Variants in IFNGR1 observed in about 807,000 individuals in gnomAD.
IFNGR1 encodes the protein AVP, type 2.
In IFNGR1, 23 loss-of-function variants were observed where a neutral mutation model predicts 35.4. That is an observed-to-expected ratio of 0.65 (90% confidence interval 0.47 to 0.92). IFNGR1 has a LOEUF of 0.92. IFNGR1 is among the 40% of genes least tolerant of loss of function. The pLI is 0.00. For synonymous variants in IFNGR1, 199 were observed against 209.5 expected, an observed-to-expected ratio of 0.95 and a Z score of 0.43; for missense variants, 533 against 583.4, an observed-to-expected ratio of 0.91 and a Z score of 0.89.
chr6:137,219,080 TCTCGCGACCCCAC>T, intron 1 of IFNGR1, 150 bp downstream of exon 1: 1 of 830,658 alleles, frequency 1.2e-6, no homozygotes, highest in Non-Finnish European at 1.9e-6. Context: ...GGAGCCCCAG[TCTCGCGACCCCAC>T]CTCGCGTCCC....
rs772644831 is a variant in IFNGR1, at chr6:137,206,251, A to G, written c.258T>C (p.Asn86=). 1.3e-5 allele frequency: 21 copies of G among 1,611,152 alleles called. No individual in the cohort carries two copies. Among genetic ancestry groups the G allele is most frequent in the East Asian group, 6.7e-5 (3 of 44,864 alleles). ...ATGGATCACCAACATGATCAGAAAT[A>G]TTACAATAATGATGAGAAATATTGA... ...ACINISHHYC[N]ISDHVGDPSN... Residue 86 remains asparagine, a synonymous_variant, in exon 3 of 7, where the codon AAT becomes AAC. Transcript: ENST00000367739.
At chr6:137,201,504 C>T (rs940423190) in intron 5 of IFNGR1, among the ~76,000 whole-genome samples, 3 of 152,060 alleles carry the variant, frequency 2.0e-5, no homozygotes, top group Non-Finnish European at 2.9e-5. Context: ...GAAACCCCAT[C>T]TCTACTAAAA....
chr6:137,215,272 T>C, intron 1 of IFNGR1: 1 of 1,548,218 alleles, frequency 6.5e-7, no homozygotes, highest in Non-Finnish European at 8.7e-7. Flanking sequence ...ATTACCTCCA[T>C]ATTTAAATTG....
At chr6:137,210,754 A>G (rs1457784128) in intron 1 of IFNGR1, among the ~76,000 whole-genome samples, 2 of 152,226 alleles carry the variant, frequency 1.3e-5, no homozygotes, top group Admixed American at 1.3e-4. Context: ...TAAATACTTC[A>G]GATTTCCTGA....
At chr6:137,203,711 A>T in intron 4 of IFNGR1, 26 bp from the exon 5 acceptor site, 1 of 1,594,928 alleles carries the variant, frequency 6.3e-7, no homozygotes, top group Non-Finnish European at 8.6e-7. Flanking sequence ...AAACAGTGAA[A>T]ATGCACAGCT....
At chr6:137,205,089 T>C (rs146140284) in intron 3 of IFNGR1, among the ~76,000 whole-genome samples, 27 of 152,320 alleles carry the variant, frequency 1.8e-4, no homozygotes, top group Middle Eastern at 3.4e-3. Flanking sequence ...GGGCCCAGTA[T>C]ACTTTCCGGC....
In IFNGR1 at chr6:137,219,383, A is replaced by G. The variant is rs2234711; in HGVS notation, c.-56T>C. On this transcript the variant is annotated 5_prime_UTR_variant, in exon 1 of 7. Coordinates refer to ENST00000367739, the MANE Select transcript of IFNGR1 (RefSeq NM_000416.3). ...CGAGCGCCTGCGGGACCAGCCCAGC[A>G]CTGCCCTCCAGCCCCGGCCTTACGT... 0.41 allele frequency: 640,114 copies of G among 1,561,786 alleles called. 134,898 individuals are homozygous for G. The highest frequency in any genetic ancestry group is 0.61 in the South Asian group (51,486 of 84,920).
chr6:137,209,803 T>A (rs1779532928), intron 1 of IFNGR1: 1 of 398,652 alleles, frequency 2.5e-6, no homozygotes, highest in Admixed American at 4.4e-5. Context: ...CTACACATAC[T>A]ACTATTTATG....
In IFNGR1 at chr6:137,219,253, C is replaced by G; in HGVS notation, c.75G>C (p.Gly25=). Residue 25 remains glycine, a synonymous_variant, in exon 1 of 7, where the codon GGG becomes GGC. Coordinates refer to ENST00000367739, the MANE Select transcript of IFNGR1 (RefSeq NM_000416.3). ...CGCGAACGACGGTACCTGAGGACGG[C>G]CCCAGATCCGCGGTGCCCATCTCAG... is the stretch of plus-strand genomic sequence containing the variant. The part of the protein sequence containing the change: ...SRAEMGTADL[G]PSSVPTPTNV... 6.2e-7 allele frequency: 1 copy of G among 1,610,552 alleles called. No individual in the cohort carries two copies. The highest frequency in any genetic ancestry group is 8.5e-7 in the Non-Finnish European group (1 of 1,178,750).
chr6:137,201,604 T>G (rs531405961), intron 5 of IFNGR1, among the ~76,000 whole-genome samples: 135 of 151,888 alleles, frequency 8.9e-4, no homozygotes, highest in African/African-American at 3.2e-3. Flanking sequence ...ACCTGGGAAG[T>G]GGAGGTAGCA....
chr6:137,201,069 A>G, intron 5 of IFNGR1, 61 bp from the exon 6 acceptor site: 2 of 1,549,606 alleles, frequency 1.3e-6, no homozygotes, highest in East Asian at 4.5e-5. Flanking sequence ...TATCTATCAA[A>G]AAGTCTTAGT....
rs1356218305 is a variant in IFNGR1 at position 137,218,463 on chromosome 6, T to C, written c.85+780A>G. The C allele has an allele frequency of 5.4e-6, 7 of 1,286,444 alleles. No homozygotes were observed. The African/African-American group carries it at 9.1e-5, about 17-fold the overall frequency. The allele number at this position is 1,286,444 out of a possible 1,614,324, so 79.7% of individuals were successfully genotyped here. ...CGAAGAGACCTACTGCCAAATCTGCTAGTGAGTGCCGGCAATCCACCACTT... is the reference window on the plus strand; with the variant it reads ...CGAAGAGACCTACTGCCAAATCTGCCAGTGAGTGCCGGCAATCCACCACTT... On this transcript the variant is annotated intron_variant, in intron 1 of 6. Transcript: ENST00000367739.
intron 1 of IFNGR1, among the ~76,000 whole-genome samples, chr6:137,210,606 CAG>C (rs1339330221): frequency 6.6e-6 from 1 of 152,138 alleles, no homozygotes; most frequent in Non-Finnish European, 1.5e-5. Context: ...GTGAGAGGGA[CAG>C]AAGTTTCTAT....
intron 2 of IFNGR1, chr6:137,206,614 GAAGT>G (rs1779436419): frequency 2.6e-6 from 1 of 389,354 alleles, no homozygotes; most frequent in Non-Finnish European, 4.6e-6. Flanking sequence ...GTTAATTATA[GAAGT>G]AAGCACATTA....
intron 1 of IFNGR1, among the ~76,000 whole-genome samples, chr6:137,216,311 G>C (rs759949457): frequency 9.9e-5 from 15 of 152,204 alleles, no homozygotes; most frequent in Non-Finnish European, 1.8e-4. Context: ...CTATTACTCA[G>C]AGTGGGACAC....
intron 1 of IFNGR1, among the ~76,000 whole-genome samples, chr6:137,208,486 G>A (rs1269717968): frequency 3.9e-5 from 6 of 152,206 alleles, no homozygotes; most frequent in Admixed American, 6.5e-5. Flanking sequence ...CAGGGTCCCC[G>A]TGCTGTGTGC....
intron 5 of IFNGR1, among the ~76,000 whole-genome samples, chr6:137,202,270 G>A (rs572338373): frequency 2.6e-5 from 4 of 152,350 alleles, no homozygotes; most frequent in East Asian, 1.9e-4. Flanking sequence ...CAGGAGCCAC[G>A]GCAATGCCAC....
intron 1 of IFNGR1, chr6:137,209,925 C>T (rs17181695): frequency 5.0e-6 from 2 of 398,628 alleles, no homozygotes; most frequent in African/African-American, 4.1e-5. Context: ...GGGCTTTTTA[C>T]AAAACATACC....
intron 4 of IFNGR1, 111 bp downstream of exon 4, chr6:137,204,221 G>T: frequency 1.1e-6 from 1 of 909,322 alleles, no homozygotes; most frequent in Non-Finnish European, 1.8e-6. Context: ...TCTATGATCT[G>T]TGAGTCTTGC....
Sources: gnomAD v4.1 joint callset for allele counts (sites outside exome capture counted in the v4.1 genomes callset) on GRCh38, gnomAD v4.1.1 for gene constraint, MANE v1.5 for transcripts, NCBI Gene and HGNC (gene_info 2026-07-23, HGNC 2026-07-21) for gene names.